The following ATRNL1 variants were observed in gnomAD, a reference collection of about 807,000 sequenced individuals.
ATRNL1 encodes attractin like 1, also known as attractin-like protein 1.
In ATRNL1, 95 loss-of-function variants were observed where a neutral mutation model predicts 182.7. The observed-to-expected ratio is 0.52, with a 90% CI of 0.44 to 0.62. The LOEUF (loss-of-function observed/expected upper bound fraction) is 0.62. Among genes scored for constraint, ATRNL1 ranks in the 20% least tolerant of loss-of-function variants. The pLI is 0.00. For synonymous variants in ATRNL1, 576 were observed against 568.3 expected, an observed-to-expected ratio of 1.01 and a Z score of -0.19; for missense variants, 1,471 against 1,679.5, an observed-to-expected ratio of 0.88 and a Z score of 2.17.
chr10:115,638,040 A>G (rs1368471140), intron 26 of ATRNL1, among the ~76,000 whole-genome samples: 2 of 152,182 alleles, frequency 1.3e-5, no homozygotes, highest in African/African-American at 4.8e-5. Context: ...ATAAAGTAGT[A>G]TACATTAATG....
At chr10:115,531,710 A>G (rs1177829858) in intron 25 of ATRNL1, among the ~76,000 whole-genome samples, 4 of 151,158 alleles carry the variant, frequency 2.6e-5, no homozygotes, top group African/African-American at 4.8e-5. Flanking sequence ...GCCCATGCCT[A>G]TGTCCTGAAT....
At chr10:115,745,357 T>C (rs1012555129) in intron 27 of ATRNL1, among the ~76,000 whole-genome samples, 2 of 152,150 alleles carry the variant, frequency 1.3e-5, no homozygotes, top group Non-Finnish European at 2.9e-5. Context: ...CACCACAGTT[T>C]ATTTATCCAG....
chr10:115,779,824 A>G (rs373273131), intron 27 of ATRNL1, among the ~76,000 whole-genome samples: 103 of 152,324 alleles, frequency 6.8e-4, no homozygotes, highest in Middle Eastern at 3.4e-3. Flanking sequence ...GAAAATGCCA[A>G]TGTAGTCTAT....
intron 28 of ATRNL1, among the ~76,000 whole-genome samples, chr10:115,880,850 G>T (rs1055196803): frequency 6.6e-6 from 1 of 152,304 alleles, no homozygotes; most frequent in East Asian, 1.9e-4. Context: ...GGTTTGAAAG[G>T]ACTGCTTTAG....
intron 28 of ATRNL1, among the ~76,000 whole-genome samples, chr10:115,919,020 A>C (rs543963556): frequency 6.6e-6 from 1 of 152,302 alleles, no homozygotes; most frequent in East Asian, 1.9e-4. Flanking sequence ...AATAAAACCC[A>C]TCTCAAAGCC....
chr10:115,290,759 C>T (rs1245698659), intron 15 of ATRNL1, among the ~76,000 whole-genome samples: 1 of 152,108 alleles, frequency 6.6e-6, no homozygotes, highest in African/African-American at 2.4e-5. Context: ...TCTTCTAGTT[C>T]TGTGGTGAAA....
At chr10:115,445,306 C>G (rs1395204285) in intron 21 of ATRNL1, among the ~76,000 whole-genome samples, 1 of 151,036 alleles carries the variant, frequency 6.6e-6, no homozygotes, top group African/African-American at 2.4e-5. Context: ...GGGGCACACG[C>G]CTGTAATCCC....
At chr10:115,097,452 C>T (rs1331137401) in intron 1 of ATRNL1, among the ~76,000 whole-genome samples, 1 of 152,132 alleles carries the variant, frequency 6.6e-6, no homozygotes, top group Non-Finnish European at 1.5e-5. Context: ...CGCCACTGCG[C>T]TCCAGCTTGG....
chr10:115,847,043 G>T (rs1182466483), intron 27 of ATRNL1, among the ~76,000 whole-genome samples: 7 of 151,852 alleles, frequency 4.6e-5, no homozygotes, highest in Admixed American at 3.9e-4. Flanking sequence ...TTTACTCTAT[G>T]TTATTTCTAA....
At position 115,443,122 on chromosome 10, in the gene ATRNL1, AT is replaced by A. The variant is rs1342702755; in HGVS notation, c.3322+16821del. Among the ~76,000 whole-genome samples, 3 of 152,140 alleles carry A rather than the reference AT, an allele frequency of 2.0e-5. No individual in the cohort carries two copies. In the East Asian group the frequency reaches 5.8e-4, roughly 29 times the overall value. On this transcript the variant is annotated intron_variant, in intron 21 of 28. Coordinates refer to ENST00000355044, the MANE Select transcript of ATRNL1 (RefSeq NM_207303.4). ...TTTAAACCATTACATTTTCTGTTGAATGTAAAACCTCTATTGATGTAAAAGA... is the reference window on the plus strand; with the variant it reads ...TTTAAACCATTACATTTTCTGTTGAAGTAAAACCTCTATTGATGTAAAAGA...
intron 28 of ATRNL1, among the ~76,000 whole-genome samples, chr10:115,851,923 A>AG (rs1555100630): frequency 6.6e-6 from 1 of 152,164 alleles, no homozygotes; most frequent in East Asian, 1.9e-4. Flanking sequence ...TTAACAACCA[A>AG]GCATGTCTCC....
rs564793362 is a variant in ATRNL1 at position 115,583,577 on chromosome 10, T to C, written c.3795+34041T>C. Among the ~76,000 whole-genome samples, 14 of 127,620 alleles carry C rather than the reference T, an allele frequency of 1.1e-4. No homozygotes were observed. In the East Asian group the frequency reaches 4.1e-3, roughly 37 times the overall value. The allele number at this position is 127,620 out of a possible 152,430, so 83.7% of individuals were successfully genotyped here. A position where few individuals can be genotyped will look rare whatever the true frequency, so the allele number is the denominator to read the frequency against. On this transcript the variant is annotated intron_variant, in intron 26 of 28. Transcript: ENST00000355044. ...GTCTGTTGTTGATGTATAAGAATGC[T>C]TGTGATTTTTGTACATTGATTTTGT... is the stretch of plus-strand genomic sequence containing the variant.
intron 26 of ATRNL1, among the ~76,000 whole-genome samples, chr10:115,651,521 C>A (rs1314499705): frequency 6.6e-6 from 1 of 152,128 alleles, no homozygotes; most frequent in Admixed American, 6.6e-5. Flanking sequence ...GCAATTTAAT[C>A]ACGATGTATC....
intron 7 of ATRNL1, among the ~76,000 whole-genome samples, chr10:115,165,996 C>T (rs980997716): frequency 6.6e-6 from 1 of 152,042 alleles, no homozygotes; most frequent in Non-Finnish European, 1.5e-5. Flanking sequence ...TGCTGTGTAA[C>T]CATGGCTACC....
Position 115,127,801 on chromosome 10 carries a change from T to C in ATRNL1, c.620+80T>C, listed in dbSNP as rs1158392884. The C allele has an allele frequency of 5.0e-6, 5 of 1,009,516 alleles. 1 individual carries two copies. In the East Asian group the frequency reaches 1.6e-4, roughly 32 times the overall value. 62.5% of individuals were successfully genotyped at this position (1,009,516 alleles called of 1,614,324 possible). Reference sequence around the variant, plus strand: ...AGAGGTTTTTTTTGTTTATTTTTATTAATGTCTTGTATACCAGAAGCAGGC... The same window carrying C: ...AGAGGTTTTTTTTGTTTATTTTTATCAATGTCTTGTATACCAGAAGCAGGC... On this transcript the variant is annotated intron_variant, in intron 4 of 28. Transcript: ENST00000355044.
chr10:115,421,365 C>G (rs1554961898), intron 20 of ATRNL1, among the ~76,000 whole-genome samples: 2 of 152,090 alleles, frequency 1.3e-5, no homozygotes, highest in African/African-American at 4.8e-5. Flanking sequence ...TGAAATTCAT[C>G]CCAGTAATGC....
At chr10:115,837,242 G>C (rs913748022) in intron 27 of ATRNL1, among the ~76,000 whole-genome samples, 1 of 151,898 alleles carries the variant, frequency 6.6e-6, no homozygotes, top group Admixed American at 6.6e-5. Flanking sequence ...GCCACATAAG[G>C]ACTCCACGTA....
chr10:115,691,109 G>A (rs1297867820), intron 26 of ATRNL1, among the ~76,000 whole-genome samples: 9 of 151,954 alleles, frequency 5.9e-5, no homozygotes, highest in African/African-American at 2.2e-4. Flanking sequence ...CATAATTTTG[G>A]TGCTTCCTTC....
intron 9 of ATRNL1, among the ~76,000 whole-genome samples, chr10:115,223,913 GTA>G (rs782380839): frequency 1.4e-4 from 8 of 55,940 alleles, no homozygotes; most frequent in Admixed American, 2.2e-4. Context: ...GTGTGTGTGT[GTA>G]TATATATATA....
Sources: gnomAD v4.1 joint callset for allele counts (sites outside exome capture counted in the v4.1 genomes callset) on GRCh38, gnomAD v4.1.1 for gene constraint, MANE v1.5 for transcripts, NCBI Gene and HGNC (gene_info 2026-07-23, HGNC 2026-07-21) for gene names.